TCHP: variants seen among roughly 807,000 people sequenced by gnomAD.
TCHP encodes the protein trichoplein keratin filament binding, also known as trichoplein keratin filament-binding protein.
Under a neutral mutation model 88.7 loss-of-function variants are expected in TCHP, and 81 were observed. That is an observed-to-expected ratio of 0.91 (90% confidence interval 0.76 to 1.10). The LOEUF is 1.10. TCHP is among the 50% of genes least tolerant of loss of function. The pLI is 0.00. For synonymous variants in TCHP, 232 were observed against 232.5 expected (o/e 1.00, Z 0.02); for missense variants, 641 against 632.1 (o/e 1.01, Z -0.15).
chr12:109,906,808 A>G (rs985032190), intron 5 of TCHP, among the ~76,000 whole-genome samples, 168 bp downstream of exon 5: 8 of 152,198 alleles, frequency 5.3e-5, no homozygotes, highest in Non-Finnish European at 1.0e-4. Context: ...GCTCTTACAT[A>G]TACCAGAATC....
intron 10 of TCHP, 69 bp downstream of exon 10, chr12:109,913,141 G>T: frequency 2.1e-6 from 3 of 1,428,546 alleles, no homozygotes; most frequent in Non-Finnish European, 3.0e-6. Flanking sequence ...TCCATGGTCA[G>T]TCACCCTGCC....
At chr12:109,900,729 AAAGT>A (rs1869738280) in intron 1 of TCHP, 1 of 152,228 alleles carries the variant, frequency 6.6e-6, no homozygotes, top group African/African-American at 2.4e-5. Context: ...GAGCGGGAAA[AAAGT>A]ATGTGAAGCT....
At position 109,915,539 on chromosome 12, in the gene TCHP, G is replaced by T; in HGVS notation, c.1457G>T (p.Arg486Leu). ...GAGACTATGGCTGAGCAGGGCTACC[G>T]GCCTAAGGTAGGAAGTCTGCCAGGA... is the stretch of plus-strand genomic sequence containing the variant. ...EAETMAEQGY[R>L]PKPYGHPKIA... Residue 486 changes from arginine (R) to leucine (L), a missense_variant, in exon 12 of 13, where the codon CGG (arginine) becomes CTG (leucine). Arg to Leu is a moderately radical substitution (Grantham distance 102, BLOSUM62 -2). Coordinates refer to ENST00000405876, the MANE Select transcript of TCHP (RefSeq NM_001143852.2). The T allele has an allele frequency of 6.2e-7, 1 of 1,612,298 alleles. No homozygotes were observed. The highest frequency in any genetic ancestry group is 8.5e-7 in the Non-Finnish European group (1 of 1,178,918).
chr12:109,897,891 A>G (rs1869604759), upstream of TCHP, among the ~76,000 whole-genome samples: 1 of 152,106 alleles, frequency 6.6e-6, no homozygotes, highest in Non-Finnish European at 1.5e-5. Flanking sequence ...CTGTCGACAG[A>G]CATTTATGTG....
At chr12:109,913,672 A>G (rs929270859) in intron 10 of TCHP, among the ~76,000 whole-genome samples, 3 of 152,236 alleles carry the variant, frequency 2.0e-5, no homozygotes, top group African/African-American at 4.8e-5. Context: ...CCGCAGAGAA[A>G]TCTGGGAGGA....
At position 109,903,562 on chromosome 12, in the gene TCHP, C is replaced by A. The variant is rs759766803; in HGVS notation, c.188+348C>A. Among the ~76,000 whole-genome samples the A allele has an allele frequency of 2.0e-5, 3 of 152,074 alleles. No homozygotes were observed. Among genetic ancestry groups the A allele is most frequent in the Non-Finnish European group, 4.4e-5 (3 of 68,030 alleles). On this transcript the variant is annotated intron_variant, in intron 2 of 12. Coordinates refer to ENST00000405876, the MANE Select transcript of TCHP (RefSeq NM_001143852.2). The surrounding 1 kb of genome is among the most constrained non-coding windows in gnomAD (Gnocchi z 4.6). ...ACACAAAGCTACTTTTATAGAAATA[C>A]GTGTAAAAACATGGAGGCCAAAAGC...
At chr12:109,897,423 C>T (rs1482315499), upstream of TCHP, among the ~76,000 whole-genome samples, 1 of 152,176 alleles carries the variant, frequency 6.6e-6, no homozygotes, top group East Asian at 1.9e-4. Context: ...GCTAGTGGAG[C>T]TTATCTGGTC....
At chr12:109,884,378 C>T in the TCHP span, among the ~76,000 whole-genome samples, 1 of 152,008 alleles carries the variant, frequency 6.6e-6, no homozygotes, top group African/African-American at 2.4e-5. Flanking sequence ...TTAGTAGAGA[C>T]AGGATTTCAC....
chr12:109,896,876 C>T (rs1592901911), upstream of TCHP, among the ~76,000 whole-genome samples: 1 of 152,180 alleles, frequency 6.6e-6, no homozygotes, highest in African/African-American at 2.4e-5. Flanking sequence ...GTTCGCACCA[C>T]TGCACTCCAT....
At chr12:109,887,224 C>A in the TCHP span, among the ~76,000 whole-genome samples, 1 of 151,930 alleles carries the variant, frequency 6.6e-6, no homozygotes, top group South Asian at 2.1e-4. Flanking sequence ...GAGATCAAGA[C>A]CATCCTGGCC....
At chr12:109,901,188 G>A (rs1340914044) in intron 1 of TCHP, 3 of 149,766 alleles carry the variant, frequency 2.0e-5, no homozygotes, top group Non-Finnish European at 4.4e-5. Context: ...CTGGGCTCTG[G>A]TCTCAGACGG....
intron 1 of TCHP, chr12:109,900,972 C>T (rs1443943327): frequency 6.6e-6 from 1 of 152,276 alleles, no homozygotes; most frequent in African/African-American, 2.4e-5. Context: ...TGAGACTGCT[C>T]TCTGCTTTCA....
the TCHP span, among the ~76,000 whole-genome samples, chr12:109,883,712 C>T: frequency 1.3e-5 from 2 of 152,218 alleles, no homozygotes; most frequent in African/African-American, 4.8e-5. Flanking sequence ...ACCCTGATTT[C>T]TCAACACTTT....
In TCHP at chr12:109,905,433, C is replaced by T. The variant is rs1471908033; in HGVS notation, c.456+640C>T. Among the ~76,000 whole-genome samples the T allele has an allele frequency of 1.3e-5, 2 of 152,100 alleles. No individual in the cohort carries two copies. The highest frequency in any genetic ancestry group is 4.8e-5 in the African/African-American group (2 of 41,392). On this transcript the variant is annotated intron_variant, in intron 4 of 12. Transcript: ENST00000405876. This position sits in a 1 kb window ranked among gnomAD's most constrained non-coding sequence, Gnocchi z 4.0. Reference sequence around the variant, plus strand: ...AGGGGCTGGGGGCAGCATACAGGATCCCAGCTGCATTTCAGAGAGACTCCT... The same window carrying T: ...AGGGGCTGGGGGCAGCATACAGGATTCCAGCTGCATTTCAGAGAGACTCCT...
At chr12:109,899,220 A>G (rs1245380698), upstream of TCHP, among the ~76,000 whole-genome samples, 1 of 152,232 alleles carries the variant, frequency 6.6e-6, no homozygotes, top group Non-Finnish European at 1.5e-5. Context: ...AAAAGAGAAC[A>G]AACAAGTATT....
At chr12:109,895,608 G>A (rs149413462), upstream of TCHP, among the ~76,000 whole-genome samples, 402 of 152,050 alleles carry the variant, frequency 2.6e-3, 2 homozygotes, top group African/African-American at 9.5e-3. Flanking sequence ...CTACTTCTGC[G>A]GTCTTGTCTT....
chr12:109,908,911 C>T lies in TCHP; in HGVS notation c.853C>T (p.Arg285Cys), dbSNP rs755487897. The T allele has an allele frequency of 2.8e-5, 45 of 1,614,088 alleles. No individual in the cohort carries two copies. The highest frequency in any genetic ancestry group is 3.5e-5 in the Non-Finnish European group (41 of 1,180,050). ...RHQYNAQLSR[R>C]TQQIQEELEA... ...TCAGTATAACGCTCAACTCAGCAGA[C>T]GCACACAGCAGATCCAAGAGGAGCT... Residue 285 changes from arginine (R) to cysteine (C), a missense_variant, in exon 8 of 13, where the codon CGC (arginine) becomes TGC (cysteine). Arg to Cys is a radical substitution (Grantham distance 180, BLOSUM62 -3). Coordinates refer to ENST00000405876, the MANE Select transcript of TCHP (RefSeq NM_001143852.2).
intron 8 of TCHP, among the ~76,000 whole-genome samples, chr12:109,909,253 GTGTCTGTGTGTATACATAGA>G (rs1280603624): frequency 1.3e-5 from 2 of 152,228 alleles, no homozygotes; most frequent in Non-Finnish European, 2.9e-5. Flanking sequence ...TCCTTTCCCA[GTGTCTGTGTGTATACATAGA>G]TGGATAGATA....
In TCHP at chr12:109,906,567, C is replaced by T. The variant is rs182899892; in HGVS notation, c.457-5C>T. ...AAATTCACATCGTCCCCCTTCCATC[C>T]TCAGATGGAGCTGGACCTTCACCAG... On this transcript the variant is annotated splice_region_variant and splice_polypyrimidine_tract_variant and intron_variant, in intron 4 of 12. Transcript: ENST00000405876. 1 of 1,612,658 alleles carries T rather than the reference C, an allele frequency of 6.2e-7. No individual in the cohort carries two copies. The highest frequency in any genetic ancestry group is 1.3e-5 in the African/African-American group (1 of 75,018).
Sources: gnomAD v4.1 joint callset for allele counts (sites outside exome capture counted in the v4.1 genomes callset) on GRCh38, gnomAD v4.1.1 for gene constraint, Gnocchi (gnomAD v3.1) non-coding constraint, MANE v1.5 for transcripts, NCBI Gene and HGNC (gene_info 2026-07-23, HGNC 2026-07-21) for gene names.